SPOCK3: variants seen among roughly 807,000 people sequenced by gnomAD.
SPOCK3 encodes SPARC (osteonectin), cwcv and kazal like domains proteoglycan 3, also known as testican-3.
Under a neutral mutation model 56.6 loss-of-function variants are expected in SPOCK3, and 30 were observed. That is an observed-to-expected ratio of 0.53 (90% CI 0.40 to 0.72). The LOEUF (loss-of-function observed/expected upper bound fraction) is 0.72. Ranked by LOEUF, SPOCK3 falls within the 30% of genes least tolerant of loss-of-function variation. The pLI, the probability that SPOCK3 is intolerant of heterozygous loss-of-function variation, is 0.00. For missense variants in SPOCK3, 527 were observed against 530.0 expected, an observed-to-expected ratio of 0.99 and a Z score of 0.06; for synonymous variants, 196 against 183.3, an observed-to-expected ratio of 1.07 and a Z score of -0.56.
At chr4:166,831,484 C>A (rs950517687) in intron 6 of SPOCK3, among the ~76,000 whole-genome samples, 2 of 151,980 alleles carry the variant, frequency 1.3e-5, no homozygotes, top group African/African-American at 4.8e-5. Context: ...AAAAGATATA[C>A]GGCTATTCAA....
intron 5 of SPOCK3, among the ~76,000 whole-genome samples, chr4:166,901,730 T>C (rs1260517855): frequency 2.0e-5 from 3 of 152,108 alleles, no homozygotes; most frequent in Admixed American, 2.0e-4. Flanking sequence ...ACGTTGGATG[T>C]ATAAGGTAGA....
intron 2 of SPOCK3, among the ~76,000 whole-genome samples, chr4:167,179,791 G>C (rs1296051226): frequency 6.6e-6 from 1 of 152,100 alleles, no homozygotes; most frequent in Non-Finnish European, 1.5e-5. Context: ...TGAATTTTAG[G>C]CATGTCTCTT....
At chr4:166,741,414 T>C (rs1579081917) in intron 9 of SPOCK3, among the ~76,000 whole-genome samples, 1 of 152,334 alleles carries the variant, frequency 6.6e-6, no homozygotes, top group African/African-American at 2.4e-5. Flanking sequence ...TATTTAAAAA[T>C]TGTAAGTTTA....
intron 2 of SPOCK3, among the ~76,000 whole-genome samples, chr4:167,088,231 C>A (rs894462156): frequency 2.6e-5 from 4 of 152,056 alleles, no homozygotes; most frequent in African/African-American, 9.7e-5. Context: ...CTGGGCTCAA[C>A]CTTCAGAGGT....
At chr4:166,816,323 G>C (rs558954489) in intron 6 of SPOCK3, among the ~76,000 whole-genome samples, 9 of 152,048 alleles carry the variant, frequency 5.9e-5, no homozygotes, top group Non-Finnish European at 1.2e-4. Context: ...AGTATGTGCT[G>C]TCCTTCTAGG....
intron 7 of SPOCK3, among the ~76,000 whole-genome samples, chr4:166,788,403 C>T (rs1462652166): frequency 6.6e-6 from 1 of 152,008 alleles, no homozygotes. Context: ...AATCTAACAT[C>T]TACAACATTT....
At chr4:167,218,197 G>C (rs1221125789) in intron 2 of SPOCK3, among the ~76,000 whole-genome samples, 5 of 152,064 alleles carry the variant, frequency 3.3e-5, no homozygotes, top group Non-Finnish European at 7.4e-5. Flanking sequence ...TGAACAATTA[G>C]AAGTCAGGGA....
chr4:166,918,591 A>T (rs1738147515), intron 4 of SPOCK3: 1 of 152,232 alleles, frequency 6.6e-6, no homozygotes, highest in South Asian at 2.1e-4. Context: ...CAATATGAAT[A>T]ACAACCTGAT....
intron 2 of SPOCK3, among the ~76,000 whole-genome samples, chr4:167,174,184 T>C (rs1307091510): frequency 2.6e-5 from 4 of 152,082 alleles, no homozygotes; most frequent in Non-Finnish European, 4.4e-5. Context: ...ACAGCAGTCA[T>C]AAGATATTAT....
intron 6 of SPOCK3, among the ~76,000 whole-genome samples, chr4:166,814,001 A>G (rs1168061709): frequency 6.6e-6 from 1 of 152,070 alleles, no homozygotes; most frequent in Non-Finnish European, 1.5e-5. Flanking sequence ...GAATAGTGAA[A>G]TTACTGATGC....
At chr4:167,196,691 G>A (rs1732987527) in intron 2 of SPOCK3, among the ~76,000 whole-genome samples, 1 of 152,024 alleles carries the variant, frequency 6.6e-6, no homozygotes, top group Non-Finnish European at 1.5e-5. Context: ...GAGCTTTGAT[G>A]TTTGTTGACA....
intron 4 of SPOCK3, among the ~76,000 whole-genome samples, chr4:166,997,508 T>C (rs1366219424): frequency 6.6e-6 from 1 of 152,090 alleles, no homozygotes; most frequent in Non-Finnish European, 1.5e-5. Flanking sequence ...ACCATTTCAA[T>C]TGATCAAACT....
At chr4:166,911,463 T>G (rs1449001098) in intron 5 of SPOCK3, among the ~76,000 whole-genome samples, 1 of 152,194 alleles carries the variant, frequency 6.6e-6, no homozygotes, top group African/African-American at 2.4e-5. Context: ...AGAAAGGTTA[T>G]TTATAGATTT....
At chr4:167,179,076 C>T (rs1165969823) in intron 2 of SPOCK3, among the ~76,000 whole-genome samples, 1 of 152,134 alleles carries the variant, frequency 6.6e-6, no homozygotes, top group Non-Finnish European at 1.5e-5. Flanking sequence ...TGTAACACTG[C>T]TATTTGCACG....
At chr4:166,901,836 T>C (rs1425661938) in intron 5 of SPOCK3, among the ~76,000 whole-genome samples, 2 of 152,152 alleles carry the variant, frequency 1.3e-5, no homozygotes, top group African/African-American at 4.8e-5. Context: ...CTTGCAGGTT[T>C]TTATCATCCT....
intron 2 of SPOCK3, among the ~76,000 whole-genome samples, chr4:167,069,474 T>C (rs980971881): frequency 7.9e-5 from 12 of 151,872 alleles, no homozygotes; most frequent in African/African-American, 2.4e-4. Context: ...TATCATAAGA[T>C]AAAAATAATA....
At chr4:167,047,104 C>G (rs184874460) in intron 3 of SPOCK3, among the ~76,000 whole-genome samples, 10 of 152,220 alleles carry the variant, frequency 6.6e-5, no homozygotes, top group Non-Finnish European at 1.2e-4. Context: ...CAAGTGAATT[C>G]TAAGGCAGGC....
intron 8 of SPOCK3, among the ~76,000 whole-genome samples, chr4:166,750,218 T>C (rs1226074639): frequency 6.6e-6 from 1 of 152,192 alleles, no homozygotes; most frequent in African/African-American, 2.4e-5. Context: ...TAGGTATTCT[T>C]AGAGCACTTA....
intron 7 of SPOCK3, among the ~76,000 whole-genome samples, chr4:166,773,500 T>A (rs1739189116): frequency 6.6e-6 from 1 of 152,202 alleles, no homozygotes; most frequent in Admixed American, 6.6e-5. Context: ...CGCATTGTGT[T>A]GAAAAATTTA....
Sources: allele counts gnomAD v4.1 joint callset (sites outside exome capture counted in the v4.1 genomes callset), GRCh38; gene constraint gnomAD v4.1.1; transcripts MANE v1.5; gene names NCBI Gene and HGNC (gene_info 2026-07-23, HGNC 2026-07-21).